Variants in NOSTRIN observed in about 807,000 individuals in gnomAD.
NOSTRIN encodes nitric oxide synthase trafficking, also known as BM247 homolog.
In NOSTRIN, 63 loss-of-function variants were observed where a neutral mutation model predicts 59.0. That is an observed-to-expected ratio of 1.07 (90% CI 0.87 to 1.32). The LOEUF is 1.32. NOSTRIN is among the 40% of genes most tolerant of loss of function. The pLI, the probability that NOSTRIN is intolerant of heterozygous loss-of-function variation, is 0.00. For missense variants in NOSTRIN, 512 were observed against 473.1 expected, an observed-to-expected ratio of 1.08 and a Z score of -0.76; for synonymous variants, 200 against 165.4, an observed-to-expected ratio of 1.21 and a Z score of -1.61.
At chr2:168,851,505 T>C (rs1559137212) in intron 10 of NOSTRIN, 101 bp downstream of exon 10, 6 of 1,477,752 alleles carry the variant, frequency 4.1e-6, no homozygotes, top group Non-Finnish European at 4.5e-6. Flanking sequence ...GTTTTATCAA[T>C]GAAAATGATT....
At chr2:168,793,124 T>C (rs1685399294) in intron 2 of NOSTRIN, among the ~76,000 whole-genome samples, 1 of 152,180 alleles carries the variant, frequency 6.6e-6, no homozygotes, top group Non-Finnish European at 1.5e-5. Flanking sequence ...TCATTACTTA[T>C]CCTTAATCCA....
At chr2:168,821,071 A>G (rs1686709304) in intron 2 of NOSTRIN, among the ~76,000 whole-genome samples, 1 of 152,236 alleles carries the variant, frequency 6.6e-6, no homozygotes, top group African/African-American at 2.4e-5. Context: ...CAATAATCAT[A>G]TTAGAAGAAT....
At chr2:168,800,481 C>T (rs1053797550), upstream of NOSTRIN, among the ~76,000 whole-genome samples, 3 of 151,996 alleles carry the variant, frequency 2.0e-5, no homozygotes, top group Non-Finnish European at 4.4e-5. Context: ...GCTGCCCTTA[C>T]AACGGCCCAG....
chr2:168,829,619 C>T (rs116821929), intron 5 of NOSTRIN, among the ~76,000 whole-genome samples: 2,725 of 152,300 alleles, frequency 0.018, 75 homozygotes, highest in African/African-American at 0.062. Flanking sequence ...CTGCCCTCGG[C>T]CTAGAACAGT....
At chr2:168,797,079 C>CTTTTTTTTTTTTTTTTTTTTTTTTTTTTT (rs775176252), upstream of NOSTRIN, among the ~76,000 whole-genome samples, 15 of 75,052 alleles carry the variant, frequency 2.0e-4, no homozygotes, top group South Asian at 6.5e-4. Flanking sequence ...TTTCTTTTTT[C>CTTTTTTTTTTTTTTTTTTTTTTTTTTTTT]TTTTTTTTTT....
chr2:168,851,409 G>A lies in NOSTRIN; in HGVS notation c.855+5G>A, dbSNP rs1004793520. On this transcript the variant is annotated splice_donor_5th_base_variant and intron_variant, in intron 10 of 15. Transcript: ENST00000317647. ...TTCCTGTTAACGGATTACTTTGTGA[G>A]TATGAAATGGAAAAAAAAAGTTACA... is the stretch of plus-strand genomic sequence containing the variant. The A allele has an allele frequency of 1.9e-6, 3 of 1,594,856 alleles. No homozygotes were observed. The South Asian group carries it at 3.5e-5, about 18-fold the overall frequency.
chr2:168,824,503 T>G, intron 2 of NOSTRIN, 131 bp from the exon 3 acceptor site: 1 of 576,020 alleles, frequency 1.7e-6, no homozygotes, highest in Non-Finnish European at 3.2e-6. Context: ...TTCACCATGT[T>G]GGCCAGGCTG....
At chr2:168,850,778 A>G (rs1688714595) in intron 8 of NOSTRIN, 1 of 738,878 alleles carries the variant, frequency 1.4e-6, no homozygotes, top group Admixed American at 2.3e-5. Context: ...TCTGGAATCC[A>G]TGATTGTGTC....
intron 3 of NOSTRIN, among the ~76,000 whole-genome samples, chr2:168,827,743 AG>A (rs1473793078): frequency 9.2e-5 from 14 of 151,658 alleles, no homozygotes; most frequent in Non-Finnish European, 1.5e-5. Context: ...AATTTTAAAA[AG>A]TTTTTCGTAG....
chr2:168,861,399 A>G (rs1239204417), intron 14 of NOSTRIN, among the ~76,000 whole-genome samples: 2 of 152,028 alleles, frequency 1.3e-5, no homozygotes, highest in Admixed American at 6.6e-5. Flanking sequence ...ATCTTTCAGC[A>G]CACACACACG....
intron 7 of NOSTRIN, among the ~76,000 whole-genome samples, chr2:168,838,264 C>T (rs1338618519): frequency 7.2e-5 from 11 of 152,174 alleles, no homozygotes; most frequent in African/African-American, 2.7e-4. Context: ...ACCCACCTAT[C>T]CTCCCAATTC....
chr2:168,799,225 C>T, upstream of NOSTRIN, among the ~76,000 whole-genome samples: 1 of 152,146 alleles, frequency 6.6e-6, no homozygotes, highest in East Asian at 1.9e-4. Context: ...GGTTGCAGCC[C>T]TCAAGCTTGG....
At chr2:168,863,282 T>TA (rs1307673537) in intron 15 of NOSTRIN, 2 of 432,278 alleles carry the variant, frequency 4.6e-6, no homozygotes, top group Non-Finnish European at 3.1e-6. Context: ...AGGGAGAACT[T>TA]AGAGACCGAG....
At chr2:168,863,743 T>C (rs965700948) in intron 15 of NOSTRIN, 28 of 782,904 alleles carry the variant, frequency 3.6e-5, no homozygotes, top group Non-Finnish European at 4.0e-5. Context: ...AAGAAAAGAC[T>C]GTTGGTGAGA....
intron 8 of NOSTRIN, among the ~76,000 whole-genome samples, chr2:168,846,367 T>C (rs2105734381): frequency 6.6e-6 from 1 of 152,350 alleles, no homozygotes; most frequent in Admixed American, 6.5e-5. Context: ...AAATTCATTT[T>C]AGGGTCCTAC....
At chr2:168,806,695 A>G (rs926182471) in intron 1 of NOSTRIN, among the ~76,000 whole-genome samples, 5 of 152,190 alleles carry the variant, frequency 3.3e-5, no homozygotes, top group African/African-American at 1.2e-4. Context: ...AATGGTCCCC[A>G]GGAGAAGCAG....
At chr2:168,853,725 C>T (rs938150863) in intron 10 of NOSTRIN, among the ~76,000 whole-genome samples, 8 of 152,158 alleles carry the variant, frequency 5.3e-5, no homozygotes, top group Admixed American at 1.3e-4. Context: ...TGTCAGCTTG[C>T]GCCTCAGCTG....
intron 7 of NOSTRIN, among the ~76,000 whole-genome samples, chr2:168,841,660 G>C (rs1022987323): frequency 2.6e-5 from 4 of 152,174 alleles, no homozygotes; most frequent in Non-Finnish European, 4.4e-5. Context: ...TGTGCCATTT[G>C]CCTTATCTGT....
At chr2:168,860,516 C>T (rs184520729) in intron 13 of NOSTRIN, among the ~76,000 whole-genome samples, 59 of 152,108 alleles carry the variant, frequency 3.9e-4, no homozygotes, top group African/African-American at 1.4e-3. Flanking sequence ...ACTAAGAATA[C>T]AAAAATTAGC....
Sources: allele counts gnomAD v4.1 joint callset (sites outside exome capture counted in the v4.1 genomes callset), GRCh38; gene constraint gnomAD v4.1.1; transcripts MANE v1.5; gene names NCBI Gene and HGNC (gene_info 2026-07-23, HGNC 2026-07-21).